NAT10: variants seen among roughly 807,000 people sequenced by gnomAD.
NAT10 encodes the protein RNA cytidine acetyltransferase.
Under a neutral mutation model 132.2 loss-of-function variants are expected in NAT10, and 109 were observed. The observed-to-expected ratio is 0.82, with a 90% CI of 0.71 to 0.97. The LOEUF is 0.97. Among genes scored for constraint, NAT10 ranks in the 50% least tolerant of loss-of-function variants. NAT10 has a pLI of 0.00. For synonymous variants in NAT10, 479 were observed against 478.0 expected (o/e 1.00, Z -0.03); for missense variants, 1,184 against 1,263.4 (o/e 0.94, Z 0.95).
In NAT10 at chr11:34,122,599, G is replaced by T. The variant is rs1291207708; in HGVS notation, c.914+7G>T. On this transcript the variant is annotated splice_region_variant and intron_variant, in intron 9 of 28. Coordinates refer to ENST00000257829, the MANE Select transcript of NAT10 (RefSeq NM_024662.3). ...CTGGGGCGGTGGCATTTGGGTAAGG[G>T]GATTCAGTCCCCCATCTTTAGGAAC... 6.2e-7 allele frequency: 1 copy of T among 1,613,686 alleles called. No individual in the cohort carries two copies. Among genetic ancestry groups the T allele is most frequent in the Middle Eastern group, 1.7e-4 (1 of 6,000 alleles).
At chr11:34,108,145 G>A (rs1038414980) in intron 1 of NAT10, 66 bp from the exon 2 acceptor site, 1 of 1,102,960 alleles carries the variant, frequency 9.1e-7, no homozygotes, top group East Asian at 2.3e-5. Flanking sequence ...CCCCACAAAA[G>A]GCAGCCAGCT....
chr11:34,138,937 T>G (rs1473013835), intron 21 of NAT10: 1 of 459,164 alleles, frequency 2.2e-6, no homozygotes, highest in Non-Finnish European at 4.0e-6. Context: ...AGCCAGCAGC[T>G]CTTCTCTGTG....
intron 8 of NAT10, among the ~76,000 whole-genome samples, chr11:34,119,177 C>T (rs1286773180): frequency 6.6e-6 from 1 of 152,152 alleles, no homozygotes. Context: ...TTTCTGTGCT[C>T]ATTGAGGTGG....
chr11:34,140,286 G>A, intron 23 of NAT10, 114 bp from the exon 24 acceptor site: 1 of 1,016,034 alleles, frequency 9.8e-7, no homozygotes, highest in Non-Finnish European at 1.5e-6. Context: ...GTGTGGTATG[G>A]CTGCCAGGCC....
At chr11:34,118,110 GAA>G in intron 6 of NAT10, 68 bp from the exon 7 acceptor site, 2 of 1,302,436 alleles carry the variant, frequency 1.5e-6, no homozygotes, top group Non-Finnish European at 2.2e-6. Flanking sequence ...TTTTTTTGAA[GAA>G]AAGTTATACT....
At position 34,140,508 on chromosome 11, in the gene NAT10, C is replaced by T. The variant is rs745718990; in HGVS notation, c.2528C>T (p.Pro843Leu). ...VDYHLIMDMIPAISRIYFLNQ... is the reference protein window; with the variant it reads ...VDYHLIMDMILAISRIYFLNQ... ...TATCACCTCATCATGGACATGATCC[C>T]GGCCATCTCTCGCATCTATTTCCTG... The change falls in exon 24 of 29, where the codon CCG becomes CTG. Residue 843 changes from proline to leucine, a missense_variant. Pro to Leu is a moderately conservative substitution (Grantham distance 98, BLOSUM62 -3). Transcript: ENST00000257829. The T allele has an allele frequency of 9.3e-6, 15 of 1,614,062 alleles. No individual in the cohort carries two copies. The highest frequency in any genetic ancestry group is 3.3e-5 in the Admixed American group (2 of 60,008).
At chr11:34,142,183 T>A in intron 26 of NAT10, 92 bp from the exon 27 acceptor site, 1 of 1,185,402 alleles carries the variant, frequency 8.4e-7, no homozygotes. Context: ...TGTTTTCTCA[T>A]CATTGTGCCA....
At chr11:34,116,687 C>T (rs775601683) in intron 6 of NAT10, among the ~76,000 whole-genome samples, 35 of 152,110 alleles carry the variant, frequency 2.3e-4, no homozygotes, top group Non-Finnish European at 2.1e-4. Flanking sequence ...CTCTGCCTCC[C>T]GCATTCAAGC....
chr11:34,128,362 CAAA>C (rs914837839), intron 12 of NAT10, among the ~76,000 whole-genome samples: 4 of 67,234 alleles, frequency 5.9e-5, no homozygotes, highest in Non-Finnish European at 1.0e-4. Flanking sequence ...AAAAACAAAA[CAAA>C]AAAAAAAAAA....
intron 2 of NAT10, 50 bp downstream of exon 2, chr11:34,108,383 A>T (rs1267368428): frequency 1.4e-6 from 2 of 1,466,568 alleles, no homozygotes; most frequent in Non-Finnish European, 1.9e-6. Context: ...TGTCCAAAGA[A>T]TCAGCATGTT....
At position 34,135,211 on chromosome 11, in the gene NAT10, A is replaced by T. The variant is rs781586743; in HGVS notation, c.1948A>T (p.Met650Leu). The change falls in exon 19 of 29, where the codon ATG (methionine) becomes TTG (leucine). Residue 650 changes from methionine to leucine, a missense_variant. Physicochemically the swap from Met to Leu is conservative, Grantham distance 15 (BLOSUM62 2). Coordinates refer to ENST00000257829, the MANE Select transcript of NAT10 (RefSeq NM_024662.3). ...CAGCCGTGCTCTGCAGCTGCTGCAG[A>T]TGTACTATGAAGGCAGGTTTCCTTG... Reference protein sequence around the residue: ...YGSRALQLLQMYYEGRFPCLE... With the variant: ...YGSRALQLLQLYYEGRFPCLE... 2 of 1,614,150 alleles carry T rather than the reference A, an allele frequency of 1.2e-6. No homozygotes were observed. Among genetic ancestry groups the T allele is most frequent in the Admixed American group, 3.3e-5 (2 of 60,016 alleles).
At position 34,136,790 on chromosome 11, in the gene NAT10, T is replaced by C. The variant is rs184070241; in HGVS notation, c.2162+15T>C. Reference sequence around the variant, plus strand: ...AGGCTCCTCAAGTAAGTGCCTGCCCTCCTTCCACGGCATCACTCCTTGGCA... The same window carrying C: ...AGGCTCCTCAAGTAAGTGCCTGCCCCCCTTCCACGGCATCACTCCTTGGCA... On this transcript the variant is annotated intron_variant, in intron 20 of 28. Transcript: ENST00000257829. 243 of 1,614,130 alleles carry C rather than the reference T, an allele frequency of 1.5e-4. No homozygotes were observed. In the African/African-American group the frequency reaches 2.9e-3, roughly 19 times the overall value.
chr11:34,139,377 C>A lies in NAT10; in HGVS notation c.2309-8C>A, dbSNP rs760987202. ...AGACCTCTAACTCTGCGTGATGGCACCCCACAGATTTCCGACGGCGGTTCC... is the reference window on the plus strand; with the variant it reads ...AGACCTCTAACTCTGCGTGATGGCAACCCACAGATTTCCGACGGCGGTTCC... On this transcript the variant is annotated splice_polypyrimidine_tract_variant and splice_region_variant and intron_variant, in intron 22 of 28. Coordinates refer to ENST00000257829, the MANE Select transcript of NAT10 (RefSeq NM_024662.3). 6.2e-7 allele frequency: 1 copy of A among 1,613,142 alleles called. No homozygotes were observed. The highest frequency in any genetic ancestry group is 8.5e-7 in the Non-Finnish European group (1 of 1,179,124).
intron 1 of NAT10, 58 bp downstream of exon 1, chr11:34,105,850 G>C (rs1439300153): frequency 6.6e-6 from 1 of 152,312 alleles, no homozygotes; most frequent in Admixed American, 6.5e-5. Context: ...TGTTCTTCCT[G>C]GGTCGAGAGG....
At chr11:34,140,831 G>T (rs921226617) in intron 24 of NAT10, among the ~76,000 whole-genome samples, 5 of 151,946 alleles carry the variant, frequency 3.3e-5, no homozygotes, top group Non-Finnish European at 7.4e-5. Context: ...CCTTAGCAGA[G>T]GTTCAGGAAC....
At chr11:34,117,455 C>T (rs1367703523) in intron 6 of NAT10, among the ~76,000 whole-genome samples, 2 of 152,052 alleles carry the variant, frequency 1.3e-5, no homozygotes, top group Non-Finnish European at 2.9e-5. Context: ...AGCTCCACAC[C>T]AAAGAATTAT....
chr11:34,140,691 A>G, intron 24 of NAT10, 119 bp downstream of exon 24: 2 of 1,192,818 alleles, frequency 1.7e-6, no homozygotes, highest in Non-Finnish European at 1.2e-6. Context: ...TACATCTGAT[A>G]GGTGGGTAGT....
chr11:34,108,763 T>C lies in NAT10; in HGVS notation c.130T>C (p.Leu44=). 1 of 1,613,272 alleles carries C rather than the reference T, an allele frequency of 6.2e-7. No individual in the cohort carries two copies. Among genetic ancestry groups the C allele is most frequent in the Non-Finnish European group, 8.5e-7 (1 of 1,179,772 alleles). The change falls in exon 3 of 29, where the codon TTA becomes CTA. Residue 44 remains leucine (L), a synonymous_variant. Transcript: ENST00000257829. The part of the protein sequence containing the change: ...KDQVVILHHM[L]SKATVKARPS... ...GCAGGTGGTAATACTTCATCACATG[T>C]TATCCAAAGCAACTGTGAAGGCTCG...
In NAT10 at chr11:34,127,580, A is replaced by T; in HGVS notation, c.1225A>T (p.Met409Leu). Residue 409 changes from methionine to leucine, a missense_variant, in exon 12 of 29, where the codon ATG becomes TTG. Met to Leu is a conservative substitution (Grantham distance 15). Transcript: ENST00000257829. Reference sequence around the variant, plus strand: ...CCTACTTGGCCCCTACCTTGTTTTCATGGCATCCACCATCAATGGGTAAGG... The same window carrying T: ...CCTACTTGGCCCCTACCTTGTTTTCTTGGCATCCACCATCAATGGGTAAGG... The part of the protein sequence containing the change: ...KSLLGPYLVF[M>L]ASTINGYEGT... 1.2e-6 allele frequency: 2 copies of T among 1,613,052 alleles called. No homozygotes were observed. The highest frequency in any genetic ancestry group is 1.7e-6 in the Non-Finnish European group (2 of 1,179,172).
Sources: allele counts gnomAD v4.1 joint callset (sites outside exome capture counted in the v4.1 genomes callset), GRCh38; gene constraint gnomAD v4.1.1; transcripts MANE v1.5; gene names NCBI Gene and HGNC (gene_info 2026-07-23, HGNC 2026-07-21).